The following SLC1A1 variants were observed in gnomAD, a reference collection of about 807,000 sequenced individuals.
SLC1A1 encodes solute carrier family 1 member 1.
Under a neutral mutation model 53.3 loss-of-function variants are expected in SLC1A1, and 43 were observed. That is an observed-to-expected ratio of 0.81 (90% CI 0.63 to 1.04). The LOEUF is 1.04. SLC1A1 is among the 50% of genes least tolerant of loss of function. The pLI is 0.00. For synonymous variants in SLC1A1, 307 were observed against 243.2 expected, an observed-to-expected ratio of 1.26 and a Z score of -2.44; for missense variants, 748 against 664.9, an observed-to-expected ratio of 1.12 and a Z score of -1.37.
At chr9:4,532,327 C>T (rs1412781017) in intron 1 of SLC1A1, among the ~76,000 whole-genome samples, 3 of 152,000 alleles carry the variant, frequency 2.0e-5, no homozygotes, top group South Asian at 2.1e-4. Context: ...AAAAATTAGA[C>T]GAATGGCTAA....
At chr9:4,561,391 G>A (rs139557512) in intron 2 of SLC1A1, 58 bp from the exon 3 acceptor site, 6 of 1,011,846 alleles carry the variant, frequency 5.9e-6, no homozygotes, top group Admixed American at 3.4e-5. Context: ...ATTAAATCGC[G>A]GGTCCTGGAA....
intron 1 of SLC1A1, among the ~76,000 whole-genome samples, chr9:4,532,944 T>A (rs1385292161): frequency 6.6e-6 from 1 of 152,160 alleles, no homozygotes; most frequent in East Asian, 1.9e-4. Context: ...CAACCCAGAA[T>A]TTCATATCCA....
At position 4,579,357 on chromosome 9, in the gene SLC1A1, G is replaced by A. The variant is rs200482474; in HGVS notation, c.1193+2594G>A. On this transcript the variant is annotated intron_variant, in intron 10 of 11. Transcript: ENST00000262352. ...TTTCCCACTTCCCTCACCCTGGGCT[G>A]TGGAACCCAGTCTTCACTGAACTGA... Among the ~76,000 whole-genome samples the A allele has an allele frequency of 2.0e-5, 3 of 152,346 alleles. No homozygotes were observed. In the East Asian group the frequency reaches 5.8e-4, roughly 29 times the overall value.
intron 6 of SLC1A1, among the ~76,000 whole-genome samples, chr9:4,571,427 G>A (rs886348242): frequency 2.0e-5 from 3 of 152,192 alleles, no homozygotes; most frequent in African/African-American, 7.2e-5. Context: ...TGTAATCCCA[G>A]CACTTTGAGA....
At chr9:4,579,124 C>T (rs1375890125) in intron 10 of SLC1A1, among the ~76,000 whole-genome samples, 1 of 152,218 alleles carries the variant, frequency 6.6e-6, no homozygotes, top group African/African-American at 2.4e-5. Flanking sequence ...TTTGGCACAC[C>T]AGCTGGGGAA....
intron 1 of SLC1A1, among the ~76,000 whole-genome samples, chr9:4,529,569 A>C (rs911371896): frequency 4.6e-5 from 7 of 152,208 alleles, no homozygotes; most frequent in Admixed American, 2.6e-4. Flanking sequence ...TGTATTTATT[A>C]GGATAATATA....
intron 1 of SLC1A1, among the ~76,000 whole-genome samples, chr9:4,495,201 G>A (rs1040285373): frequency 5.3e-5 from 8 of 152,084 alleles, no homozygotes; most frequent in African/African-American, 9.7e-5. Flanking sequence ...AGGGCCCAGC[G>A]GCGGTTCACG....
intron 1 of SLC1A1, among the ~76,000 whole-genome samples, chr9:4,518,868 G>C (rs879498101): frequency 6.6e-6 from 1 of 152,210 alleles, no homozygotes; most frequent in Non-Finnish European, 1.5e-5. Flanking sequence ...AGTCTGAGTT[G>C]GGTATCATTC....
intron 1 of SLC1A1, among the ~76,000 whole-genome samples, chr9:4,542,929 A>G (rs557616774): frequency 1.9e-4 from 29 of 152,252 alleles, no homozygotes; most frequent in African/African-American, 6.8e-4. Flanking sequence ...AAAATGATTT[A>G]AAATTGTGTA....
chr9:4,498,290 T>C (rs1480965348), intron 1 of SLC1A1, among the ~76,000 whole-genome samples: 1 of 152,178 alleles, frequency 6.6e-6, no homozygotes, highest in Non-Finnish European at 1.5e-5. Context: ...AAATTGTATA[T>C]GGGGCTATTA....
chr9:4,542,924 G>C (rs1221811533), intron 1 of SLC1A1, among the ~76,000 whole-genome samples: 1 of 152,152 alleles, frequency 6.6e-6, no homozygotes, highest in African/African-American at 2.4e-5. Flanking sequence ...TTCCAAAAAT[G>C]ATTTAAAATT....
At chr9:4,566,718 G>A (rs914865219) in intron 5 of SLC1A1, among the ~76,000 whole-genome samples, 4 of 151,922 alleles carry the variant, frequency 2.6e-5, no homozygotes, top group Non-Finnish European at 4.4e-5. Flanking sequence ...ATAAAAAATC[G>A]TTGTATCCCC....
At chr9:4,516,698 C>T (rs986265159) in intron 1 of SLC1A1, among the ~76,000 whole-genome samples, 4 of 152,208 alleles carry the variant, frequency 2.6e-5, no homozygotes, top group Admixed American at 6.5e-5. Flanking sequence ...CTGGCTTTTA[C>T]ACAAACATGT....
chr9:4,491,041 G>T (rs1046264098), intron 1 of SLC1A1, among the ~76,000 whole-genome samples: 1 of 152,224 alleles, frequency 6.6e-6, no homozygotes, highest in African/African-American at 2.4e-5. Flanking sequence ...GGGCTTGGGG[G>T]TAGAAAGGGA....
intron 1 of SLC1A1, among the ~76,000 whole-genome samples, chr9:4,523,569 A>C (rs1225899815): frequency 1.3e-5 from 2 of 152,224 alleles, no homozygotes; most frequent in Non-Finnish European, 2.9e-5. Context: ...TCATACCAAA[A>C]ATATTTAACA....
chr9:4,503,898 T>A, intron 1 of SLC1A1, among the ~76,000 whole-genome samples: 1 of 148,250 alleles, frequency 6.7e-6, no homozygotes, highest in South Asian at 2.1e-4. Flanking sequence ...ATTGATCCCC[T>A]AGAAGCCCAC....
intron 2 of SLC1A1, among the ~76,000 whole-genome samples, chr9:4,552,539 G>A (rs56677221): frequency 0.021 from 3,163 of 152,224 alleles, 106 homozygotes; most frequent in African/African-American, 0.072. Flanking sequence ...CGTGTGCCTT[G>A]CCAAGGGGAC....
rs376468870 is a variant in SLC1A1 at position 4,538,577 on chromosome 9, G to A, written c.92-5990G>A. ...ACAATACAACCTTGGATGTATTTGA[G>A]TTGATTAGTTTGTGGATGAATTTTT... On this transcript the variant is annotated intron_variant, in intron 1 of 11. Coordinates refer to ENST00000262352, the MANE Select transcript of SLC1A1 (RefSeq NM_004170.6). Among the ~76,000 whole-genome samples, 3 of 152,174 alleles carry A rather than the reference G, an allele frequency of 2.0e-5. No individual in the cohort carries two copies. In the South Asian group the frequency reaches 6.2e-4, roughly 32 times the overall value.
In SLC1A1 at chr9:4,556,526, C is replaced by G. The variant is rs766046184; in HGVS notation, c.233-4923C>G. Among the ~76,000 whole-genome samples the G allele has an allele frequency of 2.6e-5, 4 of 152,064 alleles. No individual in the cohort carries two copies. Among genetic ancestry groups the G allele is most frequent in the African/African-American group, 4.8e-5 (2 of 41,404 alleles). The stretch of plus-strand genomic sequence containing the variant: ...TAAAGAGAGGGGGTCCTTCAGACCT[C>G]GCCAGCCACCAAAGATGGCCTGAGA... On this transcript the variant is annotated intron_variant, in intron 2 of 11. Coordinates refer to ENST00000262352, the MANE Select transcript of SLC1A1 (RefSeq NM_004170.6). The surrounding 1 kb of genome is among the most constrained non-coding windows in gnomAD (Gnocchi z 4.1).
Sources: allele counts gnomAD v4.1 joint callset (sites outside exome capture counted in the v4.1 genomes callset), GRCh38; gene constraint gnomAD v4.1.1; non-coding constraint Gnocchi (gnomAD v3.1); transcripts MANE v1.5; gene names NCBI Gene and HGNC (gene_info 2026-07-23, HGNC 2026-07-21).